The following OLFM1 variants were observed in gnomAD, a reference collection of about 807,000 sequenced individuals.
The protein encoded by OLFM1 is noelin.
OLFM1 carries 9 observed loss-of-function variants against 49.7 expected under a neutral mutation model. The observed-to-expected ratio is 0.18, with a 90% CI of 0.11 to 0.32. The LOEUF is 0.32. Ranked by LOEUF, OLFM1 falls within the 10% of genes least tolerant of loss-of-function variation. The probability of loss-of-function intolerance (pLI) is 1.00; values close to 1 mark genes in which losing one functional copy is unlikely to be tolerated. For missense variants in OLFM1, 369 were observed against 661.8 expected (o/e 0.56, Z 4.85); for synonymous variants, 240 against 271.8 (o/e 0.88, Z 1.15).
rs1831044483 is a variant in OLFM1, at chr9:135,113,011, T to C, written c.783+6156T>C. Among the ~76,000 whole-genome samples, 1 of 152,154 alleles carries C rather than the reference T, an allele frequency of 6.6e-6. No homozygotes were observed. The highest frequency in any genetic ancestry group is 1.5e-5 in the Non-Finnish European group (1 of 68,000). On this transcript the variant is annotated intron_variant, in intron 5 of 5. Transcript: ENST00000371793. The surrounding 1 kb of genome is among the most constrained non-coding windows in gnomAD (Gnocchi z 4.0). ...CTTGGGAACCTGGGTGGAAGCAAGC[T>C]GTGTCGGGGTCAGGGCAGGCTTTGG...
Position 135,076,706 on chromosome 9 carries a change from C to T in OLFM1, c.96+904C>T, listed in dbSNP as rs2119079584. On this transcript the variant is annotated intron_variant, in intron 1 of 5. Transcript: ENST00000252854. ...CGCTCTGAACTGGGAGACTCTGGCC[C>T]TTTGGAGTTGCAAGTCCAGGAAGTG... 4.9e-6 allele frequency: 7 copies of T among 1,422,344 alleles called. No individual in the cohort carries two copies. The South Asian group carries it at 5.9e-5, about 12-fold the overall frequency. 88.1% of individuals were successfully genotyped at this position (1,422,344 alleles called of 1,614,324 possible).
chr9:135,076,336 G>A lies in OLFM1; in HGVS notation c.96+534G>A. On this transcript the variant is annotated intron_variant, in intron 1 of 5. Transcript: ENST00000252854. ...CAGCCAGCGTGCCGGCCAGCTGTGT[G>A]CATTGCTGGCTTAATATGCAGGGCT... 4 of 1,548,744 alleles carry A rather than the reference G, an allele frequency of 2.6e-6. No individual in the cohort carries two copies. In the South Asian group the frequency reaches 4.8e-5, roughly 18 times the overall value.
chr9:135,090,187 C>A lies in OLFM1; in HGVS notation c.151-8C>A. 1 of 1,602,614 alleles carries A rather than the reference C, an allele frequency of 6.2e-7. No homozygotes were observed. The highest frequency in any genetic ancestry group is 2.2e-5 in the East Asian group (1 of 44,528). On this transcript the variant is annotated splice_region_variant and splice_polypyrimidine_tract_variant and intron_variant, in intron 1 of 5. Coordinates refer to ENST00000371793, the MANE Select transcript of OLFM1 (RefSeq NM_001282611.2). Reference sequence around the variant, plus strand: ...TTCCCTCTCCCTTCCCGCCCCGCCCCTCTCCAGGTGCTGCCCACCAACCCT... The same window carrying A: ...TTCCCTCTCCCTTCCCGCCCCGCCCATCTCCAGGTGCTGCCCACCAACCCT...
intron 5 of OLFM1, among the ~76,000 whole-genome samples, chr9:135,118,546 C>T (rs1446586865): frequency 1.4e-5 from 2 of 146,632 alleles, no homozygotes; most frequent in South Asian, 2.2e-4. Flanking sequence ...TTGGAATGCT[C>T]GCTGGATCTT....
At chr9:135,115,085 T>C (rs373904909) in intron 5 of OLFM1, among the ~76,000 whole-genome samples, 1 of 152,106 alleles carries the variant, frequency 6.6e-6, no homozygotes. Context: ...CACACACAGA[T>C]CCTTTCCTCA....
rs531474610 is a variant in OLFM1, at chr9:135,088,589, C to A, written c.150+450C>A. Among the ~76,000 whole-genome samples, 7 of 152,190 alleles carry A rather than the reference C, an allele frequency of 4.6e-5. No homozygotes were observed. The East Asian group carries it at 1.4e-3, about 30-fold the overall frequency. Reference sequence around the variant, plus strand: ...GGGCTCGGTCCAGCGGGGACTGAGCCCGCCCTAGTTTGTAAAAGCCAGACT... The same window carrying A: ...GGGCTCGGTCCAGCGGGGACTGAGCACGCCCTAGTTTGTAAAAGCCAGACT... On this transcript the variant is annotated intron_variant, in intron 1 of 5. Coordinates refer to ENST00000371793, the MANE Select transcript of OLFM1 (RefSeq NM_001282611.2). This position sits in a 1 kb window ranked among gnomAD's most constrained non-coding sequence, Gnocchi z 4.8.
At chr9:135,106,987 G>T in intron 5 of OLFM1, 132 bp downstream of exon 5, 1 of 697,888 alleles carries the variant, frequency 1.4e-6, no homozygotes, top group Non-Finnish European at 2.4e-6. Context: ...GTGCCTGGGG[G>T]CGTTTGTTCC....
Position 135,088,601 on chromosome 9 carries a change from G to A in OLFM1, c.150+462G>A, listed in dbSNP as rs1350896302. Among the ~76,000 whole-genome samples the A allele has an allele frequency of 1.3e-5, 2 of 152,028 alleles. No individual in the cohort carries two copies. The highest frequency in any genetic ancestry group is 2.9e-5 in the Non-Finnish European group (2 of 67,978). ...GCGGGGACTGAGCCCGCCCTAGTTT[G>A]TAAAAGCCAGACTGGCCGGACCGGG... On this transcript the variant is annotated intron_variant, in intron 1 of 5. Coordinates refer to ENST00000371793, the MANE Select transcript of OLFM1 (RefSeq NM_001282611.2). This position sits in a 1 kb window ranked among gnomAD's most constrained non-coding sequence, Gnocchi z 4.8.
chr9:135,076,133 G>A, intron 1 of OLFM1: 1 of 1,549,404 alleles, frequency 6.5e-7, no homozygotes, highest in East Asian at 2.4e-5. Flanking sequence ...ATTGTCATCT[G>A]GAGGGGGAAG....
In OLFM1 at chr9:135,092,416, T is replaced by C. The variant is rs554453796; in HGVS notation, c.300+2072T>C. On this transcript the variant is annotated intron_variant, in intron 2 of 5. Transcript: ENST00000371793. ...GTAAAGCACGCTCACCTTGAAGGAA[T>C]AGAATTTGTTTTTTCTTTAGCCACC... 2.6e-5 allele frequency among the ~76,000 whole-genome samples: 4 copies of C among 152,326 alleles called. No homozygotes were observed. The South Asian group carries it at 8.3e-4, about 32-fold the overall frequency.
At chr9:135,077,947 C>A (rs1830489355) in intron 1 of OLFM1, among the ~76,000 whole-genome samples, 2 of 152,200 alleles carry the variant, frequency 1.3e-5, no homozygotes, top group South Asian at 4.1e-4. Flanking sequence ...AGCCTGGCTA[C>A]CCTAGTCCCC....
rs1554752660 is a variant in OLFM1, at chr9:135,090,388, G to GTGTGTT, written c.300+49_300+50insTTGTGT. ...TGTGAGTTTGTATGTGTGTGTGTTT[G>GTGTGTT]TGTGTGTGTGTGTGTGTGTACATGC... On this transcript the variant is annotated intron_variant, in intron 2 of 5. Coordinates refer to ENST00000371793, the MANE Select transcript of OLFM1 (RefSeq NM_001282611.2). The GTGTGTT allele has an allele frequency of 4.7e-5, 60 of 1,270,358 alleles. No individual in the cohort carries two copies. The African/African-American group carries it at 8.2e-4, about 17-fold the overall frequency. The allele number at this position is 1,270,358 out of a possible 1,614,324, so 78.7% of individuals were successfully genotyped here.
intron 3 of OLFM1, among the ~76,000 whole-genome samples, chr9:135,097,345 A>G (rs981498219): frequency 1.3e-5 from 2 of 152,202 alleles, no homozygotes; most frequent in Middle Eastern, 3.2e-3. Context: ...GCTGGTCATC[A>G]TGAATTACTC....
chr9:135,118,692 G>A (rs559063187), intron 5 of OLFM1, among the ~76,000 whole-genome samples: 1 of 150,182 alleles, frequency 6.7e-6, no homozygotes, highest in Admixed American at 6.6e-5. Context: ...AGTGCTCACT[G>A]GGTCTTTGGA....
intron 2 of OLFM1, among the ~76,000 whole-genome samples, chr9:135,091,865 T>C (rs1251346012): frequency 1.9e-4 from 7 of 36,384 alleles, no homozygotes; most frequent in Non-Finnish European, 3.8e-4. Context: ...TCACACACAC[T>C]CACACACAGT....
At chr9:135,108,952 A>T (rs1830984711) in intron 5 of OLFM1, among the ~76,000 whole-genome samples, 1 of 150,984 alleles carries the variant, frequency 6.6e-6, no homozygotes, top group African/African-American at 2.4e-5. Flanking sequence ...CCCTTCCCAC[A>T]CCTCCCCGCA....
At chr9:135,110,188 C>T in intron 5 of OLFM1, among the ~76,000 whole-genome samples, 1 of 152,314 alleles carries the variant, frequency 6.6e-6, no homozygotes. Context: ...CCCTGCCAGG[C>T]TGTGTTCCCA....
In OLFM1 at chr9:135,087,882, G is replaced by T; in HGVS notation, c.-108G>T. ...CGGCGGCGGGCCGAGGGGGCGCGGGGACACAGCCAGGCGCCCCTGCCCGCC... is the reference window on the plus strand; with the variant it reads ...CGGCGGCGGGCCGAGGGGGCGCGGGTACACAGCCAGGCGCCCCTGCCCGCC... On this transcript the variant is annotated 5_prime_UTR_variant, in exon 1 of 6. Coordinates refer to ENST00000371793, the MANE Select transcript of OLFM1 (RefSeq NM_001282611.2). 9.7e-7 allele frequency: 1 copy of T among 1,033,116 alleles called. No homozygotes were observed. Among genetic ancestry groups the T allele is most frequent in the South Asian group, 4.3e-5 (1 of 23,220 alleles). The allele number at this position is 1,033,116 out of a possible 1,614,324, so 64.0% of individuals were successfully genotyped here.
rs77342726 is a variant in OLFM1 at position 135,099,231 on chromosome 9, T to C, written c.676+726T>C. Reference sequence around the variant, plus strand: ...CACTTTTAATTTTTCTTAAGAAATATTAGCCATCCGTCCTCACCAAGCTGT... The same window carrying C: ...CACTTTTAATTTTTCTTAAGAAATACTAGCCATCCGTCCTCACCAAGCTGT... On this transcript the variant is annotated intron_variant, in intron 4 of 5. Transcript: ENST00000371793. Among the ~76,000 whole-genome samples the C allele has an allele frequency of 6.5e-3, 996 of 152,370 alleles. 8 individuals are homozygous for C. The highest frequency in any genetic ancestry group is 0.022 in the African/African-American group (935 of 41,582).
Sources: gnomAD v4.1 joint callset for allele counts (sites outside exome capture counted in the v4.1 genomes callset) on GRCh38, gnomAD v4.1.1 for gene constraint, Gnocchi (gnomAD v3.1) non-coding constraint, MANE v1.5 for transcripts, NCBI Gene and HGNC (gene_info 2026-07-23, HGNC 2026-07-21) for gene names.